The following TBC1D1 variants were observed in gnomAD, a reference collection of about 807,000 sequenced individuals.
TBC1D1 encodes the protein TBC1 (tre-2/USP6, BUB2, cdc16) domain family, member 1.
A neutral mutation model predicts 125.6 loss-of-function variants in TBC1D1; 89 were observed. The ratio of observed to expected loss-of-function variants is 0.71; its 90% CI spans 0.60 to 0.85. The LOEUF is 0.85. Among genes scored for constraint, TBC1D1 ranks in the 40% least tolerant of loss-of-function variants. The pLI, the probability that TBC1D1 is intolerant of heterozygous loss-of-function variation, is 0.00. For missense variants in TBC1D1, 1,377 were observed against 1,469.2 expected (o/e 0.94, Z 1.03); for synonymous variants, 565 against 564.1 (o/e 1.00, Z -0.02).
At chr4:38,022,970 G>A (rs548906155) in intron 6 of TBC1D1, among the ~76,000 whole-genome samples, 70 of 152,066 alleles carry the variant, frequency 4.6e-4, no homozygotes, top group Non-Finnish European at 9.4e-4. Context: ...TAATTCCAGC[G>A]CTTGGGGAGG....
intron 2 of TBC1D1, among the ~76,000 whole-genome samples, chr4:38,001,223 A>AAAG (rs1739016550): frequency 6.7e-6 from 1 of 149,956 alleles, no homozygotes; most frequent in Non-Finnish European, 1.5e-5. Context: ...CCGTCTCAAA[A>AAAG]AAAGAAAGAA....
chr4:37,996,562 C>G (rs1737848157), intron 2 of TBC1D1, among the ~76,000 whole-genome samples: 1 of 152,222 alleles, frequency 6.6e-6, no homozygotes, highest in Non-Finnish European at 1.5e-5. Flanking sequence ...GAATGAAGAT[C>G]TGGGTTCTTG....
intron 2 of TBC1D1, among the ~76,000 whole-genome samples, chr4:38,004,799 G>A (rs977806358): frequency 8.5e-5 from 13 of 152,230 alleles, no homozygotes; most frequent in Admixed American, 8.5e-4. Flanking sequence ...ATGTGGATGT[G>A]TATTGAACTA....
At chr4:37,957,737 G>A (rs958123908) in intron 2 of TBC1D1, among the ~76,000 whole-genome samples, 1 of 152,162 alleles carries the variant, frequency 6.6e-6, no homozygotes, top group Non-Finnish European at 1.5e-5. Context: ...GTTCAGAACA[G>A]ATTGTTTGAT....
intron 2 of TBC1D1, among the ~76,000 whole-genome samples, chr4:37,911,660 T>C (rs1718661868): frequency 6.6e-6 from 1 of 152,204 alleles, no homozygotes; most frequent in African/African-American, 2.4e-5. Context: ...GGTTTGGTGT[T>C]CATTCATTTA....
At chr4:38,058,181 C>A (rs939785305) in intron 12 of TBC1D1, among the ~76,000 whole-genome samples, 1 of 152,212 alleles carries the variant, frequency 6.6e-6, no homozygotes, top group African/African-American at 2.4e-5. Context: ...GCTTGAATGG[C>A]AACTGATTTC....
chr4:38,078,516 C>T (rs1755981916), intron 12 of TBC1D1, among the ~76,000 whole-genome samples: 1 of 152,090 alleles, frequency 6.6e-6, no homozygotes, highest in Non-Finnish European at 1.5e-5. Flanking sequence ...TGAAGGGAGG[C>T]CCTTGGGAGG....
At position 37,946,197 on chromosome 4, in the gene TBC1D1, G is replaced by A. The variant is rs78971720; in HGVS notation, c.417+43685G>A. On this transcript the variant is annotated intron_variant, in intron 2 of 19. Transcript: ENST00000261439. ...AAATGAAACTCAGCAGACTAGAAATGCTGGAAAAACCATTTTTCTATAACA... is the reference window on the plus strand; with the variant it reads ...AAATGAAACTCAGCAGACTAGAAATACTGGAAAAACCATTTTTCTATAACA... 5.3e-3 allele frequency among the ~76,000 whole-genome samples: 802 copies of A among 152,326 alleles called. 1 individual carries two copies. Among genetic ancestry groups the A allele is most frequent in the Non-Finnish European group, 9.1e-3 (621 of 68,020 alleles).
intron 2 of TBC1D1, among the ~76,000 whole-genome samples, chr4:37,955,934 T>C (rs1728844430): frequency 6.6e-6 from 1 of 152,046 alleles, no homozygotes; most frequent in African/African-American, 2.4e-5. Flanking sequence ...TCTAGGAGTT[T>C]GAGACCAGCC....
chr4:38,131,415 C>T (rs182254628), intron 18 of TBC1D1, among the ~76,000 whole-genome samples: 1 of 152,302 alleles, frequency 6.6e-6, no homozygotes, highest in Admixed American at 6.5e-5. Flanking sequence ...TCAGAAGTTC[C>T]ATGACGTGGC....
chr4:38,126,591 G>A (rs1194303014), intron 18 of TBC1D1, among the ~76,000 whole-genome samples: 1 of 152,206 alleles, frequency 6.6e-6, no homozygotes, highest in Non-Finnish European at 1.5e-5. Context: ...AACAGTTCTT[G>A]TCTGTTCTGC....
chr4:38,068,245 G>A (rs1232322331), intron 12 of TBC1D1, among the ~76,000 whole-genome samples: 4 of 152,160 alleles, frequency 2.6e-5, no homozygotes, highest in Non-Finnish European at 5.9e-5. Flanking sequence ...ATCTGAAACC[G>A]AGTTACCTGG....
intron 3 of TBC1D1, among the ~76,000 whole-genome samples, chr4:38,016,054 C>A (rs1032322112): frequency 6.6e-6 from 1 of 152,276 alleles, no homozygotes; most frequent in South Asian, 2.1e-4. Flanking sequence ...TGCTAACGTC[C>A]CTTGCCACAT....
At chr4:38,037,198 T>G (rs957530762) in intron 8 of TBC1D1, among the ~76,000 whole-genome samples, 2 of 152,120 alleles carry the variant, frequency 1.3e-5, no homozygotes, top group African/African-American at 4.8e-5. Flanking sequence ...TTGACCTAAC[T>G]GCAGACTCAT....
chr4:38,052,588 G>A (rs539922614), intron 11 of TBC1D1, among the ~76,000 whole-genome samples: 29 of 152,076 alleles, frequency 1.9e-4, no homozygotes, highest in Non-Finnish European at 4.0e-4. Flanking sequence ...GCCTGCCTCA[G>A]TCTCCCAAAG....
chr4:38,070,202 T>C (rs1455875094), intron 12 of TBC1D1, among the ~76,000 whole-genome samples: 1 of 152,260 alleles, frequency 6.6e-6, no homozygotes, highest in African/African-American at 2.4e-5. Context: ...GTGAGTGGCA[T>C]GAATTTCTTA....
At chr4:38,029,495 G>A (rs2152449376) in intron 7 of TBC1D1, among the ~76,000 whole-genome samples, 1 of 152,240 alleles carries the variant, frequency 6.6e-6, no homozygotes, top group East Asian at 1.9e-4. Context: ...AGCCTCCCAA[G>A]TAGCTGAGAT....
intron 12 of TBC1D1, among the ~76,000 whole-genome samples, chr4:38,059,885 C>A (rs1339985383): frequency 6.6e-6 from 1 of 152,104 alleles, no homozygotes; most frequent in African/African-American, 2.4e-5. Context: ...TCCCTGCCGC[C>A]CCCCAACAGG....
intron 2 of TBC1D1, among the ~76,000 whole-genome samples, chr4:38,003,392 G>A (rs1035741000): frequency 4.6e-5 from 7 of 152,190 alleles, no homozygotes; most frequent in African/African-American, 1.7e-4. Flanking sequence ...CCGGAAAGTT[G>A]AGGATGGGGT....
Sources: allele counts gnomAD v4.1 joint callset (sites outside exome capture counted in the v4.1 genomes callset), GRCh38; gene constraint gnomAD v4.1.1; transcripts MANE v1.5; gene names NCBI Gene and HGNC (gene_info 2026-07-23, HGNC 2026-07-21).